Variants in SLIT2 observed in about 807,000 individuals in gnomAD.
The protein encoded by SLIT2 is slit guidance ligand 2.
Under a neutral mutation model 185.7 loss-of-function variants are expected in SLIT2, and 41 were observed. That is an observed-to-expected ratio of 0.22 (90% CI 0.17 to 0.29). The LOEUF is 0.29. Ranked by LOEUF, SLIT2 falls within the 10% of genes least tolerant of loss-of-function variation. The probability of loss-of-function intolerance (pLI) is 1.00; values close to 1 mark genes in which losing one functional copy is unlikely to be tolerated. For synonymous variants in SLIT2, 693 were observed against 680.2 expected (o/e 1.02, Z -0.29); for missense variants, 1,571 against 1,909.0 (o/e 0.82, Z 3.30).
chr4:20,539,247 T>C (rs1722584970), intron 18 of SLIT2, among the ~76,000 whole-genome samples, 194 bp from the exon 19 acceptor site: 1 of 152,242 alleles, frequency 6.6e-6, no homozygotes, highest in Admixed American at 6.5e-5. Context: ...AGATTAATCA[T>C]TGGCAACTCA....
intron 4 of SLIT2, among the ~76,000 whole-genome samples, chr4:20,271,994 T>C (rs780603468): frequency 6.6e-6 from 1 of 152,096 alleles, no homozygotes; most frequent in Non-Finnish European, 1.5e-5. Flanking sequence ...TTTCCTTTGC[T>C]GTCTGCTCCA....
intron 4 of SLIT2, among the ~76,000 whole-genome samples, chr4:20,332,777 G>T (rs1265751954): frequency 2.6e-5 from 4 of 152,026 alleles, no homozygotes; most frequent in Non-Finnish European, 5.9e-5. Flanking sequence ...GATTTTCAGA[G>T]ATCTGAAAAA....
chr4:20,373,403 A>G (rs1437093778), intron 4 of SLIT2, among the ~76,000 whole-genome samples: 1 of 152,094 alleles, frequency 6.6e-6, no homozygotes, highest in Non-Finnish European at 1.5e-5. Flanking sequence ...TTTGAAGGAA[A>G]TTTTAAAGAG....
intron 9 of SLIT2, among the ~76,000 whole-genome samples, chr4:20,503,970 T>C (rs759649166): frequency 4.6e-5 from 7 of 152,184 alleles, no homozygotes; most frequent in Non-Finnish European, 5.9e-5. Flanking sequence ...AGATATTTAT[T>C]AAATTTGCAA....
At chr4:20,356,988 A>G (rs982251989) in intron 4 of SLIT2, among the ~76,000 whole-genome samples, 1 of 152,166 alleles carries the variant, frequency 6.6e-6, no homozygotes, top group African/African-American at 2.4e-5. Flanking sequence ...AAAAACTTTG[A>G]AAAAAATATG....
In SLIT2 at chr4:20,523,648, T is replaced by C. The variant is rs887970828; in HGVS notation, c.1131-112T>C. ...AATTATTAAAGTTAAAATGTTAGTGTTGAGGTGAAAAGAAATATATTTCTT... is the reference window on the plus strand; with the variant it reads ...AATTATTAAAGTTAAAATGTTAGTGCTGAGGTGAAAAGAAATATATTTCTT... On this transcript the variant is annotated intron_variant, in intron 12 of 36. Coordinates refer to ENST00000504154, the MANE Select transcript of SLIT2 (RefSeq NM_004787.4). The C allele has an allele frequency of 6.3e-6, 5 of 793,878 alleles. No individual in the cohort carries two copies. In the African/African-American group the frequency reaches 8.7e-5, roughly 14 times the overall value. 49.2% of individuals were successfully genotyped at this position (793,878 alleles called of 1,614,324 possible). A position where few individuals can be genotyped will look rare whatever the true frequency, so the allele number is the denominator to read the frequency against.
At chr4:20,423,180 A>G (rs1483599373) in intron 4 of SLIT2, among the ~76,000 whole-genome samples, 1 of 152,078 alleles carries the variant, frequency 6.6e-6, no homozygotes, top group Admixed American at 6.6e-5. Context: ...ACGTACAGAC[A>G]TAGGGGAAAC....
chr4:20,589,907 T>A (rs1008129323), intron 30 of SLIT2, among the ~76,000 whole-genome samples, 170 bp downstream of exon 30: 1 of 141,130 alleles, frequency 7.1e-6, no homozygotes, highest in Non-Finnish European at 1.5e-5. Context: ...GGACTTTTTT[T>A]TTTTTTTTTT....
intron 4 of SLIT2, among the ~76,000 whole-genome samples, chr4:20,313,997 A>G (rs866118577): frequency 5.3e-5 from 8 of 152,226 alleles, no homozygotes; most frequent in African/African-American, 1.7e-4. Flanking sequence ...TTCATCTCTT[A>G]TGACTGCAAA....
At chr4:20,323,890 A>G (rs1436086867) in intron 4 of SLIT2, among the ~76,000 whole-genome samples, 1 of 152,192 alleles carries the variant, frequency 6.6e-6, no homozygotes, top group Non-Finnish European at 1.5e-5. Flanking sequence ...GTTTGTACTT[A>G]CAAAATTATT....
chr4:20,595,892 C>T, intron 31 of SLIT2, 58 bp downstream of exon 31: 1 of 1,423,732 alleles, frequency 7.0e-7, no homozygotes, highest in Non-Finnish European at 9.8e-7. Context: ...AACAGGGTGA[C>T]TATAGTCAGT....
intron 9 of SLIT2, among the ~76,000 whole-genome samples, chr4:20,502,041 A>T (rs937372061): frequency 2.0e-5 from 3 of 152,304 alleles, no homozygotes; most frequent in African/African-American, 7.2e-5. Context: ...CATACATGTT[A>T]TACATACATA....
chr4:20,513,283 C>G (rs141692511), intron 11 of SLIT2, among the ~76,000 whole-genome samples: 21 of 152,172 alleles, frequency 1.4e-4, no homozygotes, highest in African/African-American at 4.8e-4. Context: ...AACTGTTTGC[C>G]AAAAGTGGAA....
intron 9 of SLIT2, among the ~76,000 whole-genome samples, chr4:20,502,380 A>G (rs952170519): frequency 2.0e-5 from 3 of 152,240 alleles, no homozygotes; most frequent in South Asian, 2.1e-4. Flanking sequence ...GTACTTCTAC[A>G]TACTCAACAA....
chr4:20,603,106 T>G (rs989629312), intron 33 of SLIT2, among the ~76,000 whole-genome samples: 2 of 152,292 alleles, frequency 1.3e-5, no homozygotes, highest in Admixed American at 6.5e-5. Flanking sequence ...GAGGTTTAAT[T>G]GACTCACAGT....
chr4:20,449,663 T>C lies in SLIT2; in HGVS notation c.396-18089T>C, dbSNP rs957696590. 2.0e-5 allele frequency among the ~76,000 whole-genome samples: 3 copies of C among 152,096 alleles called. No homozygotes were observed. In the South Asian group the frequency reaches 6.2e-4, roughly 31 times the overall value. ...ACCTCGTGATCCACCCACCTCGGCC[T>C]CTCAAAGTGCTGGGATTACACGCGT... On this transcript the variant is annotated intron_variant, in intron 4 of 36. Transcript: ENST00000504154.
chr4:20,477,289 C>G (rs890540110), intron 5 of SLIT2, among the ~76,000 whole-genome samples: 1 of 151,858 alleles, frequency 6.6e-6, no homozygotes, highest in African/African-American at 2.4e-5. Context: ...GCAACCTCCA[C>G]CTCCTGGGTT....
intron 11 of SLIT2, among the ~76,000 whole-genome samples, chr4:20,513,338 A>T (rs965571818): frequency 6.6e-6 from 1 of 152,226 alleles, no homozygotes; most frequent in Non-Finnish European, 1.5e-5. Flanking sequence ...AAAGAATCAA[A>T]TAACTGAGTT....
At chr4:20,571,507 A>T (rs549405775) in intron 29 of SLIT2, among the ~76,000 whole-genome samples, 1 of 152,280 alleles carries the variant, frequency 6.6e-6, no homozygotes, top group Non-Finnish European at 1.5e-5. Flanking sequence ...CCATCTGCGG[A>T]TTTTGAAATC....
Sources: allele counts gnomAD v4.1 joint callset (sites outside exome capture counted in the v4.1 genomes callset), GRCh38; gene constraint gnomAD v4.1.1; transcripts MANE v1.5; gene names NCBI Gene and HGNC (gene_info 2026-07-23, HGNC 2026-07-21).